Variants in TPTE observed in about 807,000 individuals in gnomAD.
TPTE encodes the protein putative tyrosine-protein phosphatase TPTE.
A neutral mutation model predicts 84.1 loss-of-function variants in TPTE; 59 were observed. That is an observed-to-expected ratio of 0.70 (90% confidence interval 0.57 to 0.87). TPTE has a LOEUF of 0.87. Ranked by LOEUF, TPTE falls within the 40% of genes least tolerant of loss-of-function variation. TPTE has a pLI of 0.00. For synonymous variants in TPTE, 130 were observed against 223.5 expected (o/e 0.58, Z 3.73); for missense variants, 382 against 659.6 (o/e 0.58, Z 4.61).
intron 3 of TPTE, among the ~76,000 whole-genome samples, chr21:10,535,794 C>T (rs2074256269): frequency 6.6e-6 from 1 of 152,306 alleles, no homozygotes; most frequent in Non-Finnish European, 1.5e-5. Context: ...GAGGCTGGTG[C>T]CCCAAACCCA....
intron 4 of TPTE, among the ~76,000 whole-genome samples, chr21:10,540,371 A>C (rs1293717052): frequency 6.6e-6 from 1 of 152,310 alleles, no homozygotes; most frequent in East Asian, 1.9e-4. Context: ...CTTTGTATGC[A>C]ATATTGTTTT....
chr21:10,555,882 G>A (rs2074672785), intron 8 of TPTE, among the ~76,000 whole-genome samples: 1 of 152,312 alleles, frequency 6.6e-6, no homozygotes, highest in African/African-American at 2.4e-5. Flanking sequence ...ACTCGTACCT[G>A]TGAAAGATAA....
chr21:10,525,113 G>A lies in TPTE; in HGVS notation c.-102+425G>A, dbSNP rs1397901862. 2.0e-5 allele frequency among the ~76,000 whole-genome samples: 3 copies of A among 152,426 alleles called. No homozygotes were observed. In the East Asian group the frequency reaches 5.8e-4, roughly 29 times the overall value. On this transcript the variant is annotated intron_variant, in intron 2 of 23. Coordinates refer to ENST00000618007, the MANE Select transcript of TPTE (RefSeq NM_199261.4). ...GCTCAGGAAGCCACTCCACAGAGATGGCCACCAAAAGGGCTTCAGTGGTCC... is the reference window on the plus strand; with the variant it reads ...GCTCAGGAAGCCACTCCACAGAGATAGCCACCAAAAGGGCTTCAGTGGTCC...
At chr21:10,596,381 C>T (rs1207091122) in intron 20 of TPTE, among the ~76,000 whole-genome samples, 2 of 152,310 alleles carry the variant, frequency 1.3e-5, no homozygotes, top group South Asian at 2.1e-4. Context: ...GCGGACTTTT[C>T]CGGGCAGAGG....
intron 3 of TPTE, among the ~76,000 whole-genome samples, chr21:10,535,256 AG>A (rs2074247644): frequency 6.6e-6 from 1 of 152,428 alleles, no homozygotes; most frequent in African/African-American, 2.4e-5. Context: ...CCTATGATAG[AG>A]CCACCCATGA....
chr21:10,594,602 T>C, intron 19 of TPTE, among the ~76,000 whole-genome samples: 1 of 152,426 alleles, frequency 6.6e-6, no homozygotes, highest in East Asian at 1.9e-4. Context: ...GTGGAGAATC[T>C]AGTGGCAGAA....
rs772450415 is a variant in TPTE, at chr21:10,602,718, A to G, written c.1449+568A>G. The stretch of plus-strand genomic sequence containing the variant: ...ACAATACAACACATGAAATAACCGA[A>G]GCAGTTTTTTATTAATTCCAGAGAG... On this transcript the variant is annotated intron_variant, in intron 22 of 23. Coordinates refer to ENST00000618007, the MANE Select transcript of TPTE (RefSeq NM_199261.4). The G allele has an allele frequency of 7.7e-6, 4 of 517,998 alleles. No individual in the cohort carries two copies. The Admixed American group carries it at 7.8e-5, about 10-fold the overall frequency. The allele number at this position is 517,998 out of a possible 1,614,324, so 32.1% of individuals were successfully genotyped here. A position where few individuals can be genotyped will look rare whatever the true frequency, so the allele number is the denominator to read the frequency against.
chr21:10,545,944 A>G (rs1011482504), intron 7 of TPTE, among the ~76,000 whole-genome samples: 4 of 152,018 alleles, frequency 2.6e-5, no homozygotes, highest in African/African-American at 9.7e-5. Context: ...ACATATATGT[A>G]TATATCCTTT....
intron 3 of TPTE, among the ~76,000 whole-genome samples, chr21:10,538,382 A>G (rs910732778): frequency 1.3e-5 from 2 of 152,426 alleles, no homozygotes; most frequent in South Asian, 2.1e-4. Flanking sequence ...TCCACACAAA[A>G]GTTTAGTTTG....
chr21:10,569,490 A>G lies in TPTE; in HGVS notation c.620A>G (p.His207Arg), dbSNP rs148306452. ...CTTATTATTCTGTTAAGAATTTTTC[A>G]TCTGTTTCATCAAAAAAGACAACTT... ...LRLIILLRIF[H>R]LFHQKRQLEK... is the part of the protein sequence containing the mutation. Residue 207 changes from histidine to arginine, a missense_variant, in exon 12 of 24, where the codon CAT becomes CGT. Physicochemically the swap from His to Arg is conservative, Grantham distance 29 (BLOSUM62 0). This residue lies in a region of TPTE where 85 missense variants were observed against 230.9 expected (regional missense o/e 0.37). Coordinates refer to ENST00000618007, the MANE Select transcript of TPTE (RefSeq NM_199261.4). The G allele has an allele frequency of 1.6e-4, 256 of 1,612,524 alleles. No individual in the cohort carries two copies. In the African/African-American group the frequency reaches 3.3e-3, roughly 20 times the overall value.
chr21:10,552,252 A>C (rs2074588894), intron 7 of TPTE, among the ~76,000 whole-genome samples: 1 of 152,308 alleles, frequency 6.6e-6, no homozygotes, highest in Non-Finnish European at 1.5e-5. Context: ...AGGGAACCCA[A>C]AACATTTGTG....
At chr21:10,548,686 G>T (rs2074517436) in intron 7 of TPTE, among the ~76,000 whole-genome samples, 1 of 152,308 alleles carries the variant, frequency 6.6e-6, no homozygotes, top group Admixed American at 6.5e-5. Context: ...CTTCAGTCCA[G>T]CTTAGCAGCT....
Position 10,551,442 on chromosome 21 carries a change from AG to A in TPTE, c.174-1214del, listed in dbSNP as rs1177363450. On this transcript the variant is annotated intron_variant, in intron 7 of 23. Transcript: ENST00000618007. Reference sequence around the variant, plus strand: ...CTAGAACTTAAAGTATAAAAAAAAAAGTATATTTTTAGCAATAAATGCCTGG... The same window carrying A: ...CTAGAACTTAAAGTATAAAAAAAAAATATATTTTTAGCAATAAATGCCTGG... 1.8e-4 allele frequency among the ~76,000 whole-genome samples: 28 copies of A among 152,410 alleles called. No individual in the cohort carries two copies. In the East Asian group the frequency reaches 5.2e-3, roughly 28 times the overall value.
chr21:10,531,539 A>T (rs2074178706), intron 3 of TPTE, among the ~76,000 whole-genome samples: 1 of 152,310 alleles, frequency 6.6e-6, no homozygotes, highest in Admixed American at 6.5e-5. Flanking sequence ...GGTATCCCTT[A>T]TGGCAACACT....
chr21:10,545,523 A>C (rs1165338844), intron 7 of TPTE, among the ~76,000 whole-genome samples: 1 of 152,310 alleles, frequency 6.6e-6, no homozygotes, highest in African/African-American at 2.4e-5. Flanking sequence ...ATAAAATGAC[A>C]TCAGTAGTCT....
At chr21:10,551,303 G>A in intron 7 of TPTE, among the ~76,000 whole-genome samples, 1 of 139,342 alleles carries the variant, frequency 7.2e-6, no homozygotes, top group East Asian at 2.5e-4. Flanking sequence ...GGGGGAGGGG[G>A]GAGGGATAGC....
rs538154900 is a variant in TPTE, at chr21:10,531,329, C to T, written c.-44+3917C>T. On this transcript the variant is annotated intron_variant, in intron 3 of 23. Transcript: ENST00000618007. ...CTCACTCTATTAGTTCTTGCAAGAG[C>T]TGGTGGTTTAAAAAGAGACAAGCGG... Among the ~76,000 whole-genome samples the T allele has an allele frequency of 3.3e-4, 51 of 152,408 alleles. No individual in the cohort carries two copies. In the South Asian group the frequency reaches 0.01, roughly 30 times the overall value.
At chr21:10,580,128 A>G (rs1385313613) in intron 17 of TPTE, among the ~76,000 whole-genome samples, 6 of 152,288 alleles carry the variant, frequency 3.9e-5, no homozygotes, top group African/African-American at 1.4e-4. Flanking sequence ...TTTTCTCATT[A>G]TACCTCTTGG....
intron 10 of TPTE, among the ~76,000 whole-genome samples, chr21:10,562,681 T>G (rs1237781943): frequency 6.6e-5 from 10 of 152,416 alleles, no homozygotes; most frequent in African/African-American, 2.2e-4. Flanking sequence ...AAGAAAGAAT[T>G]AATGAGCTTG....
Sources: gnomAD v4.1 joint callset for allele counts (sites outside exome capture counted in the v4.1 genomes callset) on GRCh38, gnomAD v4.1.1 for gene constraint, gnomAD v4.1.1 regional missense constraint, MANE v1.5 for transcripts, NCBI Gene and HGNC (gene_info 2026-07-23, HGNC 2026-07-21) for gene names.